EFCAB6: variants seen among roughly 807,000 people sequenced by gnomAD.
EFCAB6 encodes EF-hand calcium-binding domain-containing protein 6.
A neutral mutation model predicts 169.8 loss-of-function variants in EFCAB6; 156 were observed. The ratio of observed to expected loss-of-function variants is 0.92; its 90% confidence interval spans 0.81 to 1.05. The LOEUF is 1.05. Among genes scored for constraint, EFCAB6 ranks in the 50% least tolerant of loss-of-function variants. The probability of loss-of-function intolerance (pLI) is 0.00; values close to 1 mark genes in which losing one functional copy is unlikely to be tolerated. For synonymous variants in EFCAB6, 698 were observed against 676.4 expected, an observed-to-expected ratio of 1.03 and a Z score of -0.50; for missense variants, 1,800 against 1,829.1, an observed-to-expected ratio of 0.98 and a Z score of 0.29.
At chr22:43,548,139 T>G (rs1315170657) in intron 27 of EFCAB6, among the ~76,000 whole-genome samples, 1 of 152,104 alleles carries the variant, frequency 6.6e-6, no homozygotes, top group Non-Finnish European at 1.5e-5. Flanking sequence ...AGATGAGCAT[T>G]AAATGAAAGC....
intron 24 of EFCAB6, among the ~76,000 whole-genome samples, chr22:43,588,313 G>A (rs1257471431): frequency 6.6e-6 from 1 of 152,172 alleles, no homozygotes; most frequent in Admixed American, 6.5e-5. Context: ...CAACACTGAG[G>A]AGAGACTTAT....
At chr22:43,665,907 C>T (rs2057224457) in intron 17 of EFCAB6, among the ~76,000 whole-genome samples, 1 of 152,230 alleles carries the variant, frequency 6.6e-6, no homozygotes, top group South Asian at 2.1e-4. Context: ...CCTGCCTCAG[C>T]CTCCTGAATA....
At chr22:43,717,366 T>C (rs1294871290) in intron 8 of EFCAB6, among the ~76,000 whole-genome samples, 2 of 151,370 alleles carry the variant, frequency 1.3e-5, no homozygotes, top group South Asian at 2.1e-4. Flanking sequence ...ACTTGATTTT[T>C]GTTTGGTAAA....
At chr22:43,549,927 A>G (rs1306139533) in intron 27 of EFCAB6, among the ~76,000 whole-genome samples, 1 of 152,256 alleles carries the variant, frequency 6.6e-6, no homozygotes, top group Non-Finnish European at 1.5e-5. Context: ...GTATCTCAAT[A>G]GATACAGGAA....
intron 21 of EFCAB6, among the ~76,000 whole-genome samples, chr22:43,612,820 G>C (rs1355563461): frequency 6.6e-6 from 1 of 151,912 alleles, no homozygotes; most frequent in Non-Finnish European, 1.5e-5. Flanking sequence ...CTTTAACCTG[G>C]GCGGCGGAGG....
chr22:43,679,037 C>T (rs2057895727), intron 12 of EFCAB6, among the ~76,000 whole-genome samples: 1 of 152,124 alleles, frequency 6.6e-6, no homozygotes, highest in Non-Finnish European at 1.5e-5. Flanking sequence ...AAATCACTGA[C>T]AGCTAAACTT....
At chr22:43,650,506 G>A (rs181817684) in intron 17 of EFCAB6, among the ~76,000 whole-genome samples, 1 of 152,278 alleles carries the variant, frequency 6.6e-6, no homozygotes, top group East Asian at 1.9e-4. Context: ...TCAGTCTTGG[G>A]TATGTCTTTA....
chr22:43,769,512 T>C (rs780548061), intron 4 of EFCAB6, among the ~76,000 whole-genome samples: 8 of 152,172 alleles, frequency 5.3e-5, no homozygotes, highest in African/African-American at 7.2e-5. Context: ...AAAGCTGCTA[T>C]TAAAAATGTA....
At chr22:43,581,302 T>C (rs925068435) in intron 24 of EFCAB6, among the ~76,000 whole-genome samples, 1 of 152,162 alleles carries the variant, frequency 6.6e-6, no homozygotes, top group Non-Finnish European at 1.5e-5. Context: ...TCAGGAGTGG[T>C]TGAAATGAAG....
At chr22:43,543,841 G>A (rs1198447443) in intron 27 of EFCAB6, among the ~76,000 whole-genome samples, 1 of 152,118 alleles carries the variant, frequency 6.6e-6, no homozygotes, top group African/African-American at 2.4e-5. Context: ...CAGGAATGCT[G>A]AGAAGACCCT....
chr22:43,598,495 G>A (rs2052232431), intron 23 of EFCAB6, among the ~76,000 whole-genome samples: 1 of 151,832 alleles, frequency 6.6e-6, no homozygotes, highest in South Asian at 2.1e-4. Context: ...TTTAGTATTT[G>A]ATAGTACAGT....
At chr22:43,796,169 C>T (rs1040393754) in intron 2 of EFCAB6, among the ~76,000 whole-genome samples, 3 of 152,140 alleles carry the variant, frequency 2.0e-5, no homozygotes, top group Non-Finnish European at 4.4e-5. Context: ...ATTCCTCACT[C>T]ATCCCTCTAC....
rs1241573168 is a variant in EFCAB6 at position 43,716,931 on chromosome 22, C to A, written c.799G>T (p.Glu267Ter). 12 of 1,575,372 alleles carry A rather than the reference C, an allele frequency of 7.6e-6. No individual in the cohort carries two copies. Among genetic ancestry groups the A allele is most frequent in the Non-Finnish European group, 1.0e-5 (12 of 1,163,014 alleles). ...ENQQAKNSKK[E>*]RLLGSASSED... Reference sequence around the variant, plus strand: ...GATGATGCAGAACCTAGCAAACGTTCCTTTTTGGAATTTTTGGCTTGTTGA... The same window carrying A: ...GATGATGCAGAACCTAGCAAACGTTACTTTTTGGAATTTTTGGCTTGTTGA... Residue 267 changes from glutamate to a stop codon, truncating the protein, a stop_gained, in exon 9 of 32, where the codon GAA becomes TAA. Coordinates refer to ENST00000262726, the MANE Select transcript of EFCAB6 (RefSeq NM_022785.4). LOFTEE classifies it high-confidence loss of function.
intron 21 of EFCAB6, among the ~76,000 whole-genome samples, chr22:43,612,773 AG>A (rs1321712579): frequency 1.3e-5 from 2 of 152,116 alleles, no homozygotes; most frequent in Non-Finnish European, 2.9e-5. Context: ...ATGCACCTGT[AG>A]TCCGAGCTAC....
intron 5 of EFCAB6, among the ~76,000 whole-genome samples, chr22:43,764,198 G>A (rs185269618): frequency 6.6e-6 from 1 of 151,956 alleles, no homozygotes; most frequent in Admixed American, 6.6e-5. Flanking sequence ...TTCAGCCCTT[G>A]CCCCCATCCC....
At chr22:43,804,064 C>T (rs1297360705) in intron 2 of EFCAB6, among the ~76,000 whole-genome samples, 1 of 152,108 alleles carries the variant, frequency 6.6e-6, no homozygotes, top group Non-Finnish European at 1.5e-5. Context: ...GAATAGACCA[C>T]ATCTTAGGCC....
intron 2 of EFCAB6, among the ~76,000 whole-genome samples, chr22:43,784,867 C>T (rs1449342828): frequency 2.7e-5 from 4 of 149,604 alleles, no homozygotes; most frequent in Non-Finnish European, 5.9e-5. Flanking sequence ...CAGACTGAGA[C>T]CCTGTCTCTA....
intron 15 of EFCAB6, among the ~76,000 whole-genome samples, chr22:43,671,493 C>T (rs996822779): frequency 6.6e-6 from 1 of 152,136 alleles, no homozygotes; most frequent in Non-Finnish European, 1.5e-5. Context: ...TATCAGAATG[C>T]AACATATTTA....
intron 17 of EFCAB6, among the ~76,000 whole-genome samples, chr22:43,643,033 T>C (rs2055903892): frequency 6.6e-6 from 1 of 152,136 alleles, no homozygotes; most frequent in Non-Finnish European, 1.5e-5. Flanking sequence ...AACAGCATAG[T>C]GTCAAGAGCC....
Sources: allele counts gnomAD v4.1 joint callset (sites outside exome capture counted in the v4.1 genomes callset), GRCh38; gene constraint gnomAD v4.1.1; transcripts MANE v1.5; gene names NCBI Gene and HGNC (gene_info 2026-07-23, HGNC 2026-07-21).